Variants in SAMD12 observed in about 807,000 individuals in gnomAD.
SAMD12 encodes the protein sterile alpha motif domain-containing protein 12.
A neutral mutation model predicts 15.0 loss-of-function variants in SAMD12; 9 were observed. That is an observed-to-expected ratio of 0.60 (90% CI 0.36 to 1.05). The LOEUF (loss-of-function observed/expected upper bound fraction) is 1.05, where lower values mean the gene tolerates loss of function less well. Ranked by LOEUF, SAMD12 falls within the 50% of genes least tolerant of loss-of-function variation. The pLI is 0.01. For synonymous variants in SAMD12, 86 were observed against 90.1 expected, an observed-to-expected ratio of 0.96 and a Z score of 0.25; for missense variants, 230 against 234.2, an observed-to-expected ratio of 0.98 and a Z score of 0.12.
intron 3 of SAMD12, among the ~76,000 whole-genome samples, chr8:118,389,808 A>G (rs2130748844): frequency 6.6e-6 from 1 of 152,298 alleles, no homozygotes; most frequent in South Asian, 2.1e-4. Flanking sequence ...CTATGATAGA[A>G]TACAAGCTAA....
At chr8:118,257,556 G>A (rs959141125) in intron 4 of SAMD12, among the ~76,000 whole-genome samples, 5 of 152,040 alleles carry the variant, frequency 3.3e-5, no homozygotes, top group African/African-American at 4.8e-5. Context: ...ATGACCATAC[G>A]GAATCTGCAA....
intron 3 of SAMD12, chr8:118,394,750 A>G (rs1563825118): frequency 6.6e-6 from 1 of 152,234 alleles, no homozygotes; most frequent in Non-Finnish European, 1.5e-5. Context: ...ACATAGTTGG[A>G]TGATGGCTTT....
intron 2 of SAMD12, among the ~76,000 whole-genome samples, chr8:118,552,012 A>C (rs1826353672): frequency 1.3e-5 from 2 of 151,392 alleles, no homozygotes; most frequent in South Asian, 2.1e-4. Flanking sequence ...CAATAACAGG[A>C]GCTGAAATTG....
At chr8:118,420,985 G>C (rs1821969452) in intron 3 of SAMD12, among the ~76,000 whole-genome samples, 1 of 152,106 alleles carries the variant, frequency 6.6e-6, no homozygotes, top group Non-Finnish European at 1.5e-5. Flanking sequence ...TTGTGACAAA[G>C]ACCCTACGAC....
intron 2 of SAMD12, among the ~76,000 whole-genome samples, chr8:118,549,810 A>G (rs1445162378): frequency 6.6e-6 from 1 of 152,210 alleles, no homozygotes; most frequent in East Asian, 1.9e-4. Flanking sequence ...TAACTAGAAT[A>G]ACCAATACAG....
In SAMD12 at chr8:118,199,364, G is replaced by A. The variant is rs184871906; in HGVS notation, c.434-1632C>T. On this transcript the variant is annotated intron_variant, in intron 4 of 4. Transcript: ENST00000409003. ...GAAAGGGGTATAAACACCAATGTGC[G>A]TAAGATCCTATCCAGGTTGACCTGC... is the stretch of plus-strand genomic sequence containing the variant. Among the ~76,000 whole-genome samples the A allele has an allele frequency of 8.0e-4, 122 of 152,252 alleles. 1 individual carries two copies. Among genetic ancestry groups the A allele is most frequent in the Non-Finnish European group, 8.1e-4 (55 of 68,026 alleles).
chr8:118,537,525 G>C (rs563212419), intron 2 of SAMD12, among the ~76,000 whole-genome samples: 81 of 152,154 alleles, frequency 5.3e-4, no homozygotes, highest in Non-Finnish European at 1.0e-3. Context: ...GCAGGCTCAC[G>C]AATTCTTTCT....
the SAMD12 span, among the ~76,000 whole-genome samples, chr8:118,136,528 A>G: frequency 1.3e-5 from 2 of 152,236 alleles, no homozygotes; most frequent in Non-Finnish European, 2.9e-5. Context: ...ACCATCCAAT[A>G]GGCTATAGTT....
intron 1 of SAMD12, among the ~76,000 whole-genome samples, chr8:118,588,396 C>A (rs754208164): frequency 4.6e-5 from 7 of 152,312 alleles, no homozygotes; most frequent in Non-Finnish European, 1.0e-4. Context: ...TGACCAAATC[C>A]ATCCTGCTGT....
At chr8:118,207,999 T>C (rs1819912643) in intron 4 of SAMD12, among the ~76,000 whole-genome samples, 1 of 151,590 alleles carries the variant, frequency 6.6e-6, no homozygotes, top group Non-Finnish European at 1.5e-5. Flanking sequence ...AAGATAAAAA[T>C]GTATTAATGA....
chr8:118,538,688 T>C (rs1825912040), intron 2 of SAMD12, among the ~76,000 whole-genome samples: 1 of 152,212 alleles, frequency 6.6e-6, no homozygotes, highest in Non-Finnish European at 1.5e-5. Flanking sequence ...CTTCAGTGCC[T>C]GTTTCAGTGA....
chr8:118,394,292 C>T (rs1820439199), intron 3 of SAMD12, among the ~76,000 whole-genome samples: 1 of 152,190 alleles, frequency 6.6e-6, no homozygotes, highest in Non-Finnish European at 1.5e-5. Context: ...TCTTTCCTCC[C>T]TTCTTGTCTG....
chr8:118,581,669 G>T (rs550693447), intron 1 of SAMD12, among the ~76,000 whole-genome samples: 3 of 152,210 alleles, frequency 2.0e-5, no homozygotes. Flanking sequence ...AACGCTTACT[G>T]AGCCCCCCTA....
intron 2 of SAMD12, among the ~76,000 whole-genome samples, chr8:118,499,551 T>G (rs1044530639): frequency 6.6e-6 from 1 of 152,188 alleles, no homozygotes; most frequent in Admixed American, 6.5e-5. Context: ...ATCTGCAGCT[T>G]CAGTGAAGCA....
chr8:118,241,180 C>T (rs889495975), intron 4 of SAMD12, among the ~76,000 whole-genome samples: 9 of 152,134 alleles, frequency 5.9e-5, no homozygotes, highest in African/African-American at 1.7e-4. Flanking sequence ...TTTCCTGATG[C>T]GAGAGTGATT....
chr8:118,249,189 T>C (rs1812764365), intron 4 of SAMD12, among the ~76,000 whole-genome samples: 1 of 152,158 alleles, frequency 6.6e-6, no homozygotes, highest in African/African-American at 2.4e-5. Flanking sequence ...ACTTACATAC[T>C]ATAGGAACTG....
chr8:118,432,905 C>T (rs1272305877), intron 3 of SAMD12, among the ~76,000 whole-genome samples: 3 of 152,226 alleles, frequency 2.0e-5, no homozygotes, highest in Non-Finnish European at 2.9e-5. Flanking sequence ...CCACTGCCGC[C>T]ATCACCACCA....
At chr8:118,594,412 G>T (rs879807037) in intron 1 of SAMD12, among the ~76,000 whole-genome samples, 1 of 151,474 alleles carries the variant, frequency 6.6e-6, no homozygotes. Context: ...GTTAGCAAAA[G>T]AAAAAAAACC....
At chr8:118,430,295 T>C (rs1344728987) in intron 3 of SAMD12, among the ~76,000 whole-genome samples, 1 of 152,128 alleles carries the variant, frequency 6.6e-6, no homozygotes, top group East Asian at 1.9e-4. Context: ...ATTTTGACAC[T>C]CTATGTTAAG....
Sources: allele counts gnomAD v4.1 joint callset (sites outside exome capture counted in the v4.1 genomes callset), GRCh38; gene constraint gnomAD v4.1.1; transcripts MANE v1.5; gene names NCBI Gene and HGNC (gene_info 2026-07-23, HGNC 2026-07-21).